Variants in TLN2 observed in about 807,000 individuals in gnomAD.
The protein encoded by TLN2 is talin 2.
Under a neutral mutation model 294.7 loss-of-function variants are expected in TLN2, and 118 were observed. The ratio of observed to expected loss-of-function variants is 0.40; its 90% CI spans 0.34 to 0.47. The LOEUF is 0.47. Among genes scored for constraint, TLN2 ranks in the 20% least tolerant of loss-of-function variants. The pLI is 0.84. For missense variants in TLN2, 3,083 were observed against 3,282.2 expected (o/e 0.94, Z 1.48); for synonymous variants, 1,431 against 1,304.5 (o/e 1.10, Z -2.09).
chr15:62,644,780 T>C (rs2051630373), intron 3 of TLN2: 4 of 349,446 alleles, frequency 1.1e-5, no homozygotes, highest in Admixed American at 3.9e-5. Context: ...TGCTGTTACA[T>C]TTGGCTCTCG....
In TLN2 at chr15:62,842,454, A is replaced by C. The variant is rs1157548874; in HGVS notation, c.*1844A>C. 6.6e-6 allele frequency: 1 copy of C among 152,226 alleles called. No individual in the cohort carries two copies. The highest frequency in any genetic ancestry group is 1.9e-4 in the East Asian group (1 of 5,156). 9.4% of individuals were successfully genotyped at this position (152,226 alleles called of 1,614,324 possible). A position where few individuals can be genotyped will look rare whatever the true frequency, so the allele number is the denominator to read the frequency against. On this transcript the variant is annotated 3_prime_UTR_variant, in exon 59 of 59. Transcript: ENST00000636159. ...GGCACACGTGCTTCCAGAGACACTC[A>C]GGAGTCAGACCCCAATGCTCAGAGT...
chr15:62,810,023 C>T lies in TLN2; in HGVS notation c.6762C>T (p.His2254=), dbSNP rs140658126. ...TTGGCTACTTGGACCTCCTGGAGCA[C>T]GTCTTGGTGGTAAGAAAGCGCATGA... ...CTLGYLDLLE[H]VLVILQKPTP... is the part of the protein sequence containing the mutation. Residue 2254 remains histidine, a synonymous_variant, in exon 52 of 59, where the codon CAC becomes CAT. Transcript: ENST00000636159. The T allele has an allele frequency of 3.3e-5, 53 of 1,613,798 alleles. No individual in the cohort carries two copies. The highest frequency in any genetic ancestry group is 9.9e-5 in the South Asian group (9 of 91,054).
chr15:62,579,763 G>C (rs573944537), intron 1 of TLN2, among the ~76,000 whole-genome samples: 7 of 152,320 alleles, frequency 4.6e-5, no homozygotes, highest in Non-Finnish European at 7.3e-5. Flanking sequence ...ACTTGAGGAA[G>C]TCACATTCTC....
At chr15:62,571,034 G>T (rs1000712400) in intron 1 of TLN2, among the ~76,000 whole-genome samples, 7 of 152,084 alleles carry the variant, frequency 4.6e-5, no homozygotes, top group Non-Finnish European at 8.8e-5. Flanking sequence ...CATAATGTGG[G>T]TCTCACAGCA....
intron 1 of TLN2, among the ~76,000 whole-genome samples, chr15:62,543,571 C>T (rs1316269977): frequency 6.6e-6 from 1 of 152,056 alleles, no homozygotes; most frequent in Non-Finnish European, 1.5e-5. Flanking sequence ...TCCTGGCCAA[C>T]ATGGTAAATC....
chr15:62,558,558 A>G (rs1339018660), intron 1 of TLN2, among the ~76,000 whole-genome samples: 2 of 152,208 alleles, frequency 1.3e-5, no homozygotes, highest in Non-Finnish European at 2.9e-5. Flanking sequence ...AGACAGATTT[A>G]ACAAGAGAAA....
chr15:62,542,956 C>T (rs1439551324), intron 1 of TLN2, among the ~76,000 whole-genome samples: 32 of 152,080 alleles, frequency 2.1e-4, no homozygotes, highest in Non-Finnish European at 1.5e-5. Flanking sequence ...GTCATTGTGG[C>T]CAGAGAAATG....
At position 62,797,096 on chromosome 15, in the gene TLN2, A is replaced by G. The variant is rs111622064; in HGVS notation, c.6051-123A>G. ...CCGTTGGTAAAGGGAGGTGTAACAC[A>G]GCACTTCTCTTCTTCAAAGCCCTTT... On this transcript the variant is annotated intron_variant, in intron 47 of 58. Coordinates refer to ENST00000636159, the MANE Select transcript of TLN2 (RefSeq NM_015059.3). The G allele has an allele frequency of 6.0e-4, 634 of 1,049,102 alleles. 3 individuals are homozygous for G. The African/African-American group carries it at 8.4e-3, about 14-fold the overall frequency. The allele number at this position is 1,049,102 out of a possible 1,614,324, so 65.0% of individuals were successfully genotyped here.
chr15:62,646,100 A>T (rs2051794723), intron 3 of TLN2, among the ~76,000 whole-genome samples: 1 of 152,202 alleles, frequency 6.6e-6, no homozygotes, highest in Non-Finnish European at 1.5e-5. Flanking sequence ...GAAAGCATTT[A>T]TGAGCAAGTT....
chr15:62,794,209 C>T (rs1025556301), intron 46 of TLN2, among the ~76,000 whole-genome samples: 2 of 152,150 alleles, frequency 1.3e-5, no homozygotes, highest in African/African-American at 4.8e-5. Flanking sequence ...GCTTTGGGTC[C>T]CTGATTTAGG....
chr15:62,532,053 C>CTTTTCTTTTTTTT (rs1555424289), intron 1 of TLN2, among the ~76,000 whole-genome samples: 1 of 144,766 alleles, frequency 6.9e-6, no homozygotes, highest in African/African-American at 2.5e-5. Flanking sequence ...TTTCTCTTTT[C>CTTTTCTTTTTTTT]TTTTTTTTTT....
intron 1 of TLN2, among the ~76,000 whole-genome samples, chr15:62,449,368 C>T (rs2035980940): frequency 6.6e-6 from 1 of 152,194 alleles, no homozygotes; most frequent in Non-Finnish European, 1.5e-5. Flanking sequence ...CTGTTCCTCT[C>T]TCCTCTGCTA....
intron 14 of TLN2, among the ~76,000 whole-genome samples, chr15:62,696,734 A>G (rs913070077): frequency 2.6e-5 from 4 of 152,070 alleles, no homozygotes; most frequent in African/African-American, 4.8e-5. Context: ...AAAAAATGCA[A>G]TTTTTTCCAT....
Position 62,797,420 on chromosome 15 carries a change from G to A in TLN2, c.6234+18G>A. The A allele has an allele frequency of 6.3e-7, 1 of 1,576,352 alleles. No individual in the cohort carries two copies. Among genetic ancestry groups the A allele is most frequent in the Non-Finnish European group, 8.6e-7 (1 of 1,166,826 alleles). On this transcript the variant is annotated intron_variant, in intron 48 of 58. Transcript: ENST00000636159. Reference sequence around the variant, plus strand: ...AGACCCAGGTACCAGCAGGGCCTGGGGAGTGCGTCCTCCCGGTCTTCCCGT... The same window carrying A: ...AGACCCAGGTACCAGCAGGGCCTGGAGAGTGCGTCCTCCCGGTCTTCCCGT...
intron 3 of TLN2, among the ~76,000 whole-genome samples, chr15:62,624,961 A>G (rs2049153537): frequency 6.6e-6 from 1 of 152,150 alleles, no homozygotes; most frequent in African/African-American, 2.4e-5. Flanking sequence ...TGTACCAATA[A>G]TGTCTTAGAT....
intron 1 of TLN2, among the ~76,000 whole-genome samples, chr15:62,524,297 T>C (rs996809394): frequency 6.6e-6 from 1 of 152,142 alleles, no homozygotes; most frequent in African/African-American, 2.4e-5. Flanking sequence ...AAGCTGTGAG[T>C]AGAAGCTTTG....
chr15:62,435,574 T>C (rs2035245520), intron 1 of TLN2, among the ~76,000 whole-genome samples: 1 of 152,222 alleles, frequency 6.6e-6, no homozygotes, highest in Admixed American at 6.5e-5. Flanking sequence ...GGAGTTTTGC[T>C]CTTGTCACCC....
chr15:62,697,051 A>G (rs564495440), intron 14 of TLN2, among the ~76,000 whole-genome samples: 3 of 152,342 alleles, frequency 2.0e-5, no homozygotes, highest in Middle Eastern at 3.4e-3. Context: ...ATATATCAAC[A>G]TATCAATACA....
intron 24 of TLN2, among the ~76,000 whole-genome samples, 158 bp downstream of exon 24, chr15:62,717,847 T>A (rs1595772382): frequency 6.6e-6 from 1 of 152,250 alleles, no homozygotes; most frequent in Non-Finnish European, 1.5e-5. Context: ...GTCTGGTTTT[T>A]GTCCATTAAG....
Sources: allele counts gnomAD v4.1 joint callset (sites outside exome capture counted in the v4.1 genomes callset), GRCh38; gene constraint gnomAD v4.1.1; transcripts MANE v1.5; gene names NCBI Gene and HGNC (gene_info 2026-07-23, HGNC 2026-07-21).